MSRA: variants seen among roughly 807,000 people sequenced by gnomAD.
MSRA encodes the protein mitochondrial peptide methionine sulfoxide reductase.
In MSRA, 54 loss-of-function variants were observed where a neutral mutation model predicts 31.3. The ratio of observed to expected loss-of-function variants is 1.73; its 90% CI spans 1.39 to 2.17. The LOEUF is 2.17. MSRA is among the 30% of genes most tolerant of loss of function. The pLI is 0.00. For missense variants in MSRA, 507 were observed against 300.9 expected (o/e 1.69, Z -5.07); for synonymous variants, 169 against 116.5 (o/e 1.45, Z -2.90).
At chr8:10,220,418 C>A (rs1351779326) in intron 2 of MSRA, among the ~76,000 whole-genome samples, 1 of 152,166 alleles carries the variant, frequency 6.6e-6, no homozygotes, top group Non-Finnish European at 1.5e-5. Flanking sequence ...TGAAGAAACT[C>A]AAAACAATCT....
intron 1 of MSRA, among the ~76,000 whole-genome samples, chr8:10,154,454 T>C (rs1182957802): frequency 6.6e-6 from 1 of 152,072 alleles, no homozygotes; most frequent in Admixed American, 6.6e-5. Flanking sequence ...CTCGGCTCAC[T>C]GCAAGCTCTG....
chr8:10,358,946 T>C (rs1339443782), intron 5 of MSRA, among the ~76,000 whole-genome samples: 1 of 152,138 alleles, frequency 6.6e-6, no homozygotes, highest in African/African-American at 2.4e-5. Context: ...ATCTAGGTTG[T>C]ACACTCCTTA....
In MSRA at chr8:10,339,531, CTTTTTTTTTTTT is replaced by C. The variant is rs774034241; in HGVS notation, c.543+19557_543+19568del. 8.2e-3 allele frequency among the ~76,000 whole-genome samples: 595 copies of C among 72,836 alleles called. 6 individuals are homozygous for C. The highest frequency in any genetic ancestry group is 0.037 in the South Asian group (88 of 2,406). 47.8% of individuals were successfully genotyped at this position (72,836 alleles called of 152,430 possible). ...GTTAAGCAAGGGGTTTTCTTTCTTTCTTTTTTTTTTTTTTTTTTTTTTTTTTCTGAGACGGAA... is the reference window on the plus strand; with the variant it reads ...GTTAAGCAAGGGGTTTTCTTTCTTTCTTTTTTTTTTTTTTCTGAGACGGAA... On this transcript the variant is annotated intron_variant, in intron 5 of 5. Transcript: ENST00000317173.
chr8:10,074,058 CTT>C (rs534642712), intron 1 of MSRA, among the ~76,000 whole-genome samples: 2 of 29,456 alleles, frequency 6.8e-5, no homozygotes, highest in Admixed American at 6.2e-4. Flanking sequence ...AAGGGAGGTG[CTT>C]TTTTTTTTTT....
At chr8:10,124,290 A>G (rs949982371) in intron 1 of MSRA, among the ~76,000 whole-genome samples, 22 of 152,156 alleles carry the variant, frequency 1.4e-4, no homozygotes, top group African/African-American at 5.3e-4. Flanking sequence ...GGCAGGCGAG[A>G]GAGAGGCTGA....
chr8:10,360,186 C>T (rs1307415837), intron 5 of MSRA, among the ~76,000 whole-genome samples: 3 of 152,150 alleles, frequency 2.0e-5, no homozygotes, highest in African/African-American at 7.2e-5. Context: ...CAGTGTTAGC[C>T]ACTGTTGTCA....
intron 1 of MSRA, among the ~76,000 whole-genome samples, chr8:10,093,562 A>C (rs1352461338): frequency 1.3e-5 from 2 of 152,168 alleles, no homozygotes; most frequent in African/African-American, 4.8e-5. Flanking sequence ...TTTGTCATTT[A>C]CATCAGATAG....
intron 1 of MSRA, among the ~76,000 whole-genome samples, chr8:10,159,048 GA>G (rs1804412247): frequency 3.3e-5 from 5 of 152,366 alleles, no homozygotes; most frequent in Admixed American, 2.6e-4. Flanking sequence ...CCGTATCAAA[GA>G]GGATGGATGA....
chr8:10,288,342 C>T (rs189676328), intron 3 of MSRA, among the ~76,000 whole-genome samples: 1 of 152,078 alleles, frequency 6.6e-6, no homozygotes, highest in African/African-American at 2.4e-5. Flanking sequence ...TTTTTGTCCC[C>T]CAAGAACCGA....
chr8:10,279,461 G>C (rs1022244190), intron 3 of MSRA, among the ~76,000 whole-genome samples: 1 of 152,108 alleles, frequency 6.6e-6, no homozygotes, highest in African/African-American at 2.4e-5. Flanking sequence ...CTTTGGGGCA[G>C]CGTTTTCTGA....
intron 3 of MSRA, among the ~76,000 whole-genome samples, chr8:10,273,880 C>G (rs2952168): frequency 0.75 from 114,171 of 151,938 alleles, 42,952 homozygotes; most frequent in Admixed American, 0.82. Context: ...GGATTTGGCA[C>G]CTTCCTATCT....
chr8:10,072,644 A>T (rs1408835075), intron 1 of MSRA, among the ~76,000 whole-genome samples: 1 of 152,266 alleles, frequency 6.6e-6, no homozygotes, highest in Non-Finnish European at 1.5e-5. Context: ...CTCTGTCAAC[A>T]GAAAAACCTT....
chr8:10,184,423 T>G (rs1450020787), intron 1 of MSRA, among the ~76,000 whole-genome samples: 2 of 151,998 alleles, frequency 1.3e-5, no homozygotes, highest in African/African-American at 4.8e-5. Flanking sequence ...GATAACTACT[T>G]TCTCTCTAGA....
intron 5 of MSRA, among the ~76,000 whole-genome samples, chr8:10,421,657 A>T (rs777549515): frequency 7.9e-5 from 12 of 152,052 alleles, no homozygotes; most frequent in Non-Finnish European, 1.6e-4. Flanking sequence ...GCCGCCCTAG[A>T]AGGACGGATG....
At chr8:10,260,591 G>A (rs1291484121) in intron 3 of MSRA, among the ~76,000 whole-genome samples, 2 of 152,188 alleles carry the variant, frequency 1.3e-5, no homozygotes, top group East Asian at 3.9e-4. Context: ...TGCCTGCTAG[G>A]AAATCCAAGG....
intron 2 of MSRA, among the ~76,000 whole-genome samples, chr8:10,215,840 C>T (rs946725671): frequency 4.6e-5 from 7 of 152,146 alleles, no homozygotes; most frequent in South Asian, 2.1e-4. Flanking sequence ...ACTTGACTGA[C>T]GTTTTTTCCT....
intron 3 of MSRA, among the ~76,000 whole-genome samples, chr8:10,283,128 T>TTA (rs1393384894): frequency 1.4e-4 from 11 of 79,420 alleles, no homozygotes; most frequent in Non-Finnish European, 1.3e-4. Context: ...TATATTCACA[T>TTA]TACACACACA....
At chr8:10,067,410 A>G (rs996686309) in intron 1 of MSRA, among the ~76,000 whole-genome samples, 5 of 152,210 alleles carry the variant, frequency 3.3e-5, no homozygotes, top group African/African-American at 1.2e-4. Context: ...CAGTTGATCC[A>G]TTCACCTACT....
intron 2 of MSRA, among the ~76,000 whole-genome samples, chr8:10,222,463 T>C (rs1810602057): frequency 1.3e-5 from 2 of 152,176 alleles, no homozygotes; most frequent in Admixed American, 1.3e-4. Context: ...TAAAAAAATT[T>C]ACAACAAGAC....
Sources: allele counts gnomAD v4.1 joint callset (sites outside exome capture counted in the v4.1 genomes callset), GRCh38; gene constraint gnomAD v4.1.1; transcripts MANE v1.5; gene names NCBI Gene and HGNC (gene_info 2026-07-23, HGNC 2026-07-21).